The following CCDC148 variants were observed in gnomAD, a reference collection of about 807,000 sequenced individuals.
The protein encoded by CCDC148 is coiled-coil domain containing 148.
In CCDC148, 89 loss-of-function variants were observed where a neutral mutation model predicts 85.7. The ratio of observed to expected loss-of-function variants is 1.04; its 90% CI spans 0.87 to 1.24. CCDC148 has a LOEUF of 1.24. CCDC148 is among the 50% of genes most tolerant of loss of function. CCDC148 has a pLI of 0.00. For missense variants in CCDC148, 692 were observed against 671.7 expected (o/e 1.03, Z -0.33); for synonymous variants, 230 against 213.9 (o/e 1.08, Z -0.66).
At chr2:158,258,241 T>C (rs1689087563) in intron 9 of CCDC148, among the ~76,000 whole-genome samples, 1 of 151,942 alleles carries the variant, frequency 6.6e-6, no homozygotes, top group African/African-American at 2.4e-5. Flanking sequence ...TTTCTCACTG[T>C]AAGTCACAGT....
chr2:158,267,396 C>T (rs895082090), intron 9 of CCDC148, among the ~76,000 whole-genome samples: 4 of 152,164 alleles, frequency 2.6e-5, no homozygotes, highest in African/African-American at 9.7e-5. Flanking sequence ...TCATTTCACT[C>T]TTGGTATTAC....
intron 2 of CCDC148, among the ~76,000 whole-genome samples, chr2:158,353,340 T>G (rs1355792364): frequency 1.4e-5 from 2 of 148,036 alleles, no homozygotes; most frequent in Non-Finnish European, 3.0e-5. Flanking sequence ...CCATCTCACG[T>G]GCAGACACAC....
At chr2:158,229,280 A>T (rs1471521567) in intron 10 of CCDC148, among the ~76,000 whole-genome samples, 1 of 152,162 alleles carries the variant, frequency 6.6e-6, no homozygotes, top group Non-Finnish European at 1.5e-5. Context: ...CTCCACTTAT[A>T]TAATGTTATT....
chr2:158,269,007 T>C (rs556568703), intron 9 of CCDC148, among the ~76,000 whole-genome samples: 1 of 152,324 alleles, frequency 6.6e-6, no homozygotes, highest in Admixed American at 6.5e-5. Flanking sequence ...ATCTTGACTG[T>C]TGTGAATAAT....
intron 11 of CCDC148, among the ~76,000 whole-genome samples, chr2:158,203,106 A>T (rs1310548565): frequency 6.6e-6 from 1 of 152,148 alleles, no homozygotes; most frequent in Non-Finnish European, 1.5e-5. Context: ...AAGTAATGGT[A>T]ACTGGAACCT....
chr2:158,345,069 G>A, intron 3 of CCDC148, 146 bp downstream of exon 3: 1 of 548,526 alleles, frequency 1.8e-6, no homozygotes, highest in Non-Finnish European at 3.1e-6. Context: ...GGAAATGAAA[G>A]GATTTTAATT....
chr2:158,403,651 AGCCATAACGCT>A (rs1164771742), intron 1 of CCDC148, among the ~76,000 whole-genome samples: 1 of 152,050 alleles, frequency 6.6e-6, no homozygotes, highest in East Asian at 1.9e-4. Context: ...AAATTTAAAA[AGCCATAACGCT>A]GCCAAGATTA....
chr2:158,204,390 A>G (rs1225653122), intron 11 of CCDC148, among the ~76,000 whole-genome samples: 2 of 152,162 alleles, frequency 1.3e-5, no homozygotes, highest in African/African-American at 2.4e-5. Flanking sequence ...TAAAACAGAA[A>G]TAACACTATG....
chr2:158,263,690 C>A (rs1689335063), intron 9 of CCDC148, among the ~76,000 whole-genome samples: 2 of 152,004 alleles, frequency 1.3e-5, no homozygotes, highest in South Asian at 4.1e-4. Context: ...TCTTTTGATT[C>A]TGCAATTCTG....
At chr2:158,446,169 G>A (rs892054929) in intron 1 of CCDC148, among the ~76,000 whole-genome samples, 2 of 152,018 alleles carry the variant, frequency 1.3e-5, no homozygotes, top group African/African-American at 2.4e-5. Context: ...GCAACATAGT[G>A]AGACCCCATC....
At chr2:158,351,462 G>GA (rs201800233) in intron 2 of CCDC148, among the ~76,000 whole-genome samples, 26,774 of 60,688 alleles carry the variant, frequency 0.44, 3,119 homozygotes, top group Middle Eastern at 0.49. Flanking sequence ...CCGAGTCAAA[G>GA]AAAGGGGCAC....
chr2:158,245,047 C>T (rs1194119347), intron 10 of CCDC148, among the ~76,000 whole-genome samples: 1 of 152,148 alleles, frequency 6.6e-6, no homozygotes, highest in Non-Finnish European at 1.5e-5. Context: ...TGATAAGAAC[C>T]TACAAATTCC....
rs375524678 is a variant in CCDC148 at position 158,306,438 on chromosome 2, T to A, written c.1110+2995A>T. On this transcript the variant is annotated intron_variant, in intron 9 of 13. Transcript: ENST00000283233. ...GACTTGGAACCAACCCAAATGTCCA[T>A]CAATGATAGACTGGATTAAGAAAAT... Among the ~76,000 whole-genome samples the A allele has an allele frequency of 8.5e-5, 13 of 152,086 alleles. 2 individuals carry two copies. The highest frequency in any genetic ancestry group is 6.5e-4 in the Admixed American group (10 of 15,284).
chr2:158,378,574 A>G (rs1343533005), intron 1 of CCDC148, among the ~76,000 whole-genome samples: 1 of 152,192 alleles, frequency 6.6e-6, no homozygotes, highest in Non-Finnish European at 1.5e-5. Context: ...GGACTTTCAT[A>G]GCCAGAGATG....
At chr2:158,295,987 CTCT>C (rs1348574189) in intron 9 of CCDC148, among the ~76,000 whole-genome samples, 2 of 152,210 alleles carry the variant, frequency 1.3e-5, no homozygotes, top group Non-Finnish European at 2.9e-5. Context: ...CTGCACACAA[CTCT>C]TCATTAGACA....
intron 11 of CCDC148, among the ~76,000 whole-genome samples, chr2:158,209,196 T>C (rs1202112192): frequency 6.6e-6 from 1 of 152,166 alleles, no homozygotes; most frequent in Non-Finnish European, 1.5e-5. Flanking sequence ...CCTGGAGTTC[T>C]ATGGTATCCA....
intron 9 of CCDC148, among the ~76,000 whole-genome samples, chr2:158,293,979 C>G: frequency 2.6e-5 from 1 of 39,004 alleles, no homozygotes; most frequent in Admixed American, 2.8e-4. Flanking sequence ...CCTCCCCCCC[C>G]CCCTCCCTCC....
chr2:158,287,908 C>T (rs1320441402), intron 9 of CCDC148, among the ~76,000 whole-genome samples: 3 of 152,222 alleles, frequency 2.0e-5, no homozygotes, highest in African/African-American at 7.2e-5. Flanking sequence ...GGCCCCACCC[C>T]TGTAGCAAAC....
At chr2:158,206,223 T>A (rs986381851) in intron 11 of CCDC148, among the ~76,000 whole-genome samples, 3 of 152,190 alleles carry the variant, frequency 2.0e-5, no homozygotes, top group Non-Finnish European at 4.4e-5. Flanking sequence ...TCCAATGAGC[T>A]GGGTGTCACT....
Sources: allele counts gnomAD v4.1 joint callset (sites outside exome capture counted in the v4.1 genomes callset), GRCh38; gene constraint gnomAD v4.1.1; transcripts MANE v1.5; gene names NCBI Gene and HGNC (gene_info 2026-07-23, HGNC 2026-07-21).